The following CHRDL1 variants were observed in gnomAD, a reference collection of about 807,000 sequenced individuals.
The protein encoded by CHRDL1 is chordin like 1.
A neutral mutation model predicts 40.9 loss-of-function variants in CHRDL1; 19 were observed. The observed-to-expected ratio is 0.46, with a 90% CI of 0.32 to 0.68. CHRDL1 has a LOEUF of 0.68. Among genes scored for constraint, CHRDL1 ranks in the 30% least tolerant of loss-of-function variants. The pLI is 0.03. For synonymous variants in CHRDL1, 136 were observed against 123.4 expected (o/e 1.10, Z -0.68); for missense variants, 329 against 352.1 (o/e 0.93, Z 0.53).
rs561583814 is a variant in CHRDL1 at position 110,683,898 on chromosome X, T to A, written c.989-2249A>T. Among the ~76,000 whole-genome samples, 4 of 112,072 alleles carry A rather than the reference T, an allele frequency of 3.6e-5. No homozygotes were observed. In the South Asian group the frequency reaches 1.5e-3, roughly 42 times the overall value. Reference sequence around the variant, plus strand: ...GTGGTTGCAGTTTTCCTGCCCAACCTGCTGCCACTGGACTGTTTCTATATG... The same window carrying A: ...GTGGTTGCAGTTTTCCTGCCCAACCAGCTGCCACTGGACTGTTTCTATATG... On this transcript the variant is annotated intron_variant, in intron 9 of 11. Coordinates refer to ENST00000372042, the MANE Select transcript of CHRDL1 (RefSeq NM_001143981.2).
At chrX:110,769,444 CAAA>C (rs1267231127) in intron 2 of CHRDL1, among the ~76,000 whole-genome samples, 2 of 112,150 alleles carry the variant, frequency 1.8e-5, no homozygotes, top group Non-Finnish European at 3.8e-5. Flanking sequence ...TTTAATCATG[CAAA>C]TCAATTAGGA....
chrX:110,735,825 G>T (rs1467459102), intron 4 of CHRDL1, among the ~76,000 whole-genome samples: 2 of 112,073 alleles, frequency 1.8e-5, no homozygotes, highest in Non-Finnish European at 3.8e-5. Context: ...TTACATTTTT[G>T]AAAAACTATT....
intron 4 of CHRDL1, among the ~76,000 whole-genome samples, chrX:110,728,287 CTAGA>C (rs2071094353): frequency 9.0e-6 from 1 of 110,697 alleles, no homozygotes; most frequent in East Asian, 2.8e-4. Flanking sequence ...ATATGTATAC[CTAGA>C]TATATAATCA....
chrX:110,774,116 G>A (rs1180530872), intron 2 of CHRDL1, among the ~76,000 whole-genome samples: 1 of 111,730 alleles, frequency 9.0e-6, no homozygotes, highest in Admixed American at 9.5e-5. Context: ...TTATTAATAT[G>A]TAATGCCCCC....
At chrX:110,710,630 A>C (rs1223304540) in intron 6 of CHRDL1, among the ~76,000 whole-genome samples, 1,492 of 112,096 alleles carry the variant, frequency 0.013, 13 homozygotes, top group Admixed American at 0.031. Flanking sequence ...CCAAGAAGGA[A>C]CATGATGACC....
intron 6 of CHRDL1, among the ~76,000 whole-genome samples, chrX:110,702,237 T>A (rs762879453): frequency 1.8e-5 from 2 of 111,362 alleles, no homozygotes; most frequent in African/African-American, 6.6e-5. Context: ...CTCCCATTGT[T>A]GCTTCCGTGC....
intron 11 of CHRDL1, among the ~76,000 whole-genome samples, chrX:110,677,369 C>T (rs191091333): frequency 4.4e-4 from 49 of 111,436 alleles, no homozygotes; most frequent in African/African-American, 1.5e-3. Context: ...CTGCTAGGCA[C>T]ATTATATAAA....
chrX:110,743,052 T>C (rs1319738439), intron 4 of CHRDL1, among the ~76,000 whole-genome samples: 2 of 112,328 alleles, frequency 1.8e-5, no homozygotes, highest in Non-Finnish European at 3.8e-5. Flanking sequence ...CCGATTAACA[T>C]TAAATCCAAT....
At chrX:110,680,062 C>T (rs372967004) in intron 10 of CHRDL1, among the ~76,000 whole-genome samples, 5 of 111,999 alleles carry the variant, frequency 4.5e-5, no homozygotes, top group African/African-American at 1.6e-4. Context: ...CTGCCTTATA[C>T]TGAAGGAGCA....
At chrX:110,761,111 T>C (rs1479829584) in intron 3 of CHRDL1, among the ~76,000 whole-genome samples, 1 of 112,036 alleles carries the variant, frequency 8.9e-6, no homozygotes, top group Non-Finnish European at 1.9e-5. Context: ...ATGATTTAAA[T>C]GGATTTGTAA....
chrX:110,744,680 T>C (rs756396431), intron 4 of CHRDL1, among the ~76,000 whole-genome samples: 2 of 111,361 alleles, frequency 1.8e-5, no homozygotes, highest in African/African-American at 6.5e-5. Context: ...ATCCCAGTGA[T>C]AGAATGTGTC....
At chrX:110,723,085 C>T (rs2070992725) in intron 4 of CHRDL1, among the ~76,000 whole-genome samples, 1 of 110,731 alleles carries the variant, frequency 9.0e-6, no homozygotes, top group African/African-American at 3.3e-5. Context: ...CCCGTCTCTA[C>T]TAAAAAATAC....
intron 8 of CHRDL1, among the ~76,000 whole-genome samples, chrX:110,689,395 C>CCTATATATATCTATATAT (rs1366491987): frequency 3.8e-5 from 3 of 78,456 alleles, no homozygotes; most frequent in Admixed American, 3.1e-4. Flanking sequence ...CCGCACCCAG[C>CCTATATATATCTATATAT]CTATATATAT....
At chrX:110,679,603 A>T (rs1276368867) in intron 10 of CHRDL1, among the ~76,000 whole-genome samples, 178 bp from the exon 11 acceptor site, 2 of 111,871 alleles carry the variant, frequency 1.8e-5, no homozygotes, top group Non-Finnish European at 3.8e-5. Context: ...AATTGACTCC[A>T]TTTGTTTCCT....
intron 3 of CHRDL1, among the ~76,000 whole-genome samples, chrX:110,761,382 C>T (rs1021343641): frequency 1.1e-4 from 12 of 112,146 alleles, no homozygotes; most frequent in African/African-American, 3.9e-4. Flanking sequence ...ATGGATCAGG[C>T]TTGCAAGTGA....
intron 2 of CHRDL1, among the ~76,000 whole-genome samples, chrX:110,782,275 T>G (rs1452623481): frequency 1.8e-5 from 2 of 112,430 alleles, no homozygotes; most frequent in Admixed American, 1.9e-4. Flanking sequence ...GGTCTCATTA[T>G]TGGCCCCATT....
At chrX:110,716,815 A>G (rs2070850288) in intron 6 of CHRDL1, among the ~76,000 whole-genome samples, 1 of 111,578 alleles carries the variant, frequency 9.0e-6, no homozygotes, top group Admixed American at 9.5e-5. Context: ...AGAATTTTCC[A>G]GAAAGAGGAA....
intron 6 of CHRDL1, among the ~76,000 whole-genome samples, chrX:110,719,533 C>A (rs745928169): frequency 9.1e-6 from 1 of 110,109 alleles, no homozygotes; most frequent in East Asian, 2.8e-4. Flanking sequence ...ATTTAAGGGC[C>A]AAGCTAGAAG....
chrX:110,701,161 C>T (rs57600642), intron 6 of CHRDL1, among the ~76,000 whole-genome samples: 233 of 111,455 alleles, frequency 2.1e-3, no homozygotes, highest in Middle Eastern at 0.014. Context: ...CTACATGACC[C>T]ACTCTTTGGA....
Sources: gnomAD v4.1 joint callset for allele counts (sites outside exome capture counted in the v4.1 genomes callset) on GRCh38, gnomAD v4.1.1 for gene constraint, MANE v1.5 for transcripts, NCBI Gene and HGNC (gene_info 2026-07-23, HGNC 2026-07-21) for gene names.